Variants in MYH14 observed in about 807,000 individuals in gnomAD.
The protein encoded by MYH14 is myosin heavy chain 14, also known as myosin-14.
MYH14 carries 123 observed loss-of-function variants against 255.5 expected under a neutral mutation model. That is an observed-to-expected ratio of 0.48 (90% CI 0.42 to 0.56). The LOEUF (loss-of-function observed/expected upper bound fraction) is 0.56. MYH14 is among the 20% of genes least tolerant of loss of function. The probability of loss-of-function intolerance (pLI) is 0.00; values close to 1 mark genes in which losing one functional copy is unlikely to be tolerated. For missense variants in MYH14, 2,423 were observed against 2,802.3 expected, an observed-to-expected ratio of 0.86 and a Z score of 3.06; for synonymous variants, 1,095 against 1,161.2, an observed-to-expected ratio of 0.94 and a Z score of 1.16.
Position 50,271,833 on chromosome 19 carries a change from C to A in MYH14, c.3172-16C>A, listed in dbSNP as rs754052834. 6.2e-7 allele frequency: 1 copy of A among 1,612,646 alleles called. No homozygotes were observed. The highest frequency in any genetic ancestry group is 8.5e-7 in the Non-Finnish European group (1 of 1,179,758). ...CAACTCCTCCTGACTGCCCCCCATC[C>A]CACTCCACCCCTCAGGAGCGGAAGC... On this transcript the variant is annotated splice_polypyrimidine_tract_variant and intron_variant, in intron 25 of 42. Transcript: ENST00000642316.
intron 42 of MYH14, 192 bp from the exon 43 acceptor site, chr19:50,309,446 ATC>A (rs2036770533): frequency 1.6e-6 from 1 of 613,338 alleles, no homozygotes. Flanking sequence ...TGTGTCCTTC[ATC>A]TCTCTCTGCC....
intron 20 of MYH14, among the ~76,000 whole-genome samples, chr19:50,260,944 G>A (rs936853745): frequency 3.1e-4 from 47 of 150,754 alleles, no homozygotes; most frequent in African/African-American, 1.0e-3. Context: ...GAGTGGGGCT[G>A]GGATCTCCCC....
At chr19:50,232,994 G>A (rs189447490) in intron 10 of MYH14, among the ~76,000 whole-genome samples, 2 of 152,222 alleles carry the variant, frequency 1.3e-5, no homozygotes, top group East Asian at 3.9e-4. Context: ...TGGGGGCCGT[G>A]TGAGAGACAC....
rs774984564 is a variant in MYH14, at chr19:50,276,850, C to T, written c.3774C>T (p.Arg1258=). The T allele has an allele frequency of 1.2e-6, 2 of 1,612,254 alleles. No homozygotes were observed. The highest frequency in any genetic ancestry group is 1.7e-6 in the Non-Finnish European group (2 of 1,179,764). ...HEAAVQELRQ[R]HGQALGELAE... is the part of the protein sequence containing the mutation. ...CGGCAGTGCAGGAGCTGAGGCAGCG[C>T]CACGGCCAGGCCCTGGGGGAGCTGG... The change falls in exon 29 of 43, where the codon CGC becomes CGT. Residue 1258 remains arginine (R), a synonymous_variant. Transcript: ENST00000642316. The surrounding 1 kb of genome is among the most constrained non-coding windows in gnomAD (Gnocchi z 4.3).
At chr19:50,272,514 G>A (rs1414022017) in intron 26 of MYH14, 46 bp from the exon 27 acceptor site, 1 of 1,548,186 alleles carries the variant, frequency 6.5e-7, no homozygotes, top group South Asian at 1.2e-5. Context: ...GCGGCTGAGT[G>A]TGCAGGCCTG....
In MYH14 at chr19:50,232,013, T is replaced by C; in HGVS notation, c.1057T>C (p.Phe353Leu). 1 of 1,613,778 alleles carries C rather than the reference T, an allele frequency of 6.2e-7. No homozygotes were observed. Among genetic ancestry groups the C allele is most frequent in the Non-Finnish European group, 8.5e-7 (1 of 1,179,900 alleles). ...CTCTCCCGGCCAGGAGCGGGAACTCTTCCAGGAGACGCTGGAGTCGCTGCG... is the reference window on the plus strand; with the variant it reads ...CTCTCCCGGCCAGGAGCGGGAACTCCTCCAGGAGACGCTGGAGTCGCTGCG... ...SSSPGQEREL[F>L]QETLESLRVL... is the part of the protein sequence containing the mutation. The change falls in exon 10 of 43, where the codon TTC (phenylalanine) becomes CTC (leucine). Residue 353 changes from phenylalanine to leucine, a missense_variant. Phe to Leu is a conservative substitution (Grantham distance 22). This residue lies in a region of MYH14 where 672 missense variants were observed against 881.8 expected (regional missense o/e 0.76). Transcript: ENST00000642316.
intron 34 of MYH14, among the ~76,000 whole-genome samples, chr19:50,287,610 G>A (rs769299464): frequency 1.3e-5 from 2 of 151,966 alleles, no homozygotes; most frequent in Non-Finnish European, 2.9e-5. Flanking sequence ...ATGGGGTCTT[G>A]CTGTGTTGCC....
At chr19:50,212,009 A>C (rs1847719459) in intron 2 of MYH14, among the ~76,000 whole-genome samples, 1 of 152,002 alleles carries the variant, frequency 6.6e-6, no homozygotes, top group Admixed American at 6.6e-5. Flanking sequence ...AACAATACAA[A>C]AACCCATTGA....
chr19:50,281,478 G>A (rs2035715636), intron 32 of MYH14, 116 bp from the exon 33 acceptor site: 2 of 1,431,162 alleles, frequency 1.4e-6, no homozygotes, highest in Non-Finnish European at 9.3e-7. Context: ...CCAGCAGAAT[G>A]ACCCCTTTCC....
At chr19:50,211,136 C>A (rs955344141) in intron 2 of MYH14, among the ~76,000 whole-genome samples, 1 of 152,054 alleles carries the variant, frequency 6.6e-6, no homozygotes, top group African/African-American at 2.4e-5. Context: ...GGTTCAAGAC[C>A]AGCCTGGGCA....
At chr19:50,267,312 G>A (rs1236509010) in intron 23 of MYH14, among the ~76,000 whole-genome samples, 7 of 152,030 alleles carry the variant, frequency 4.6e-5, no homozygotes, top group Admixed American at 4.6e-4. Context: ...AGGATCTGGG[G>A]GCAGGGGCCT....
Position 50,231,940 on chromosome 19 carries a change from C to T in MYH14, c.984C>T (p.Leu328=), listed in dbSNP as rs374526360. The part of the protein sequence containing the change: ...GAGEQLKADL[L]LEPCSHYRFL... ...TCATTGTCCCTGCAGCCGACCTCCT[C>T]CTCGAGCCCTGCTCCCACTACCGGT... Residue 328 remains leucine, a synonymous_variant, in exon 10 of 43, where the codon CTC becomes CTT. Coordinates refer to ENST00000642316, the MANE Select transcript of MYH14 (RefSeq NM_001145809.2). 4 of 1,613,872 alleles carry T rather than the reference C, an allele frequency of 2.5e-6. No homozygotes were observed. The highest frequency in any genetic ancestry group is 1.6e-4 in the Middle Eastern group (1 of 6,084).
intron 27 of MYH14, among the ~76,000 whole-genome samples, chr19:50,273,758 C>T (rs2035405581): frequency 6.6e-6 from 1 of 152,100 alleles, no homozygotes; most frequent in African/African-American, 2.4e-5. Context: ...TCTTGTACTT[C>T]AGCCTCCCAA....
intron 3 of MYH14, among the ~76,000 whole-genome samples, chr19:50,219,426 CT>C (rs2032691932): frequency 6.6e-6 from 1 of 151,970 alleles, no homozygotes; most frequent in Non-Finnish European, 1.5e-5. Context: ...AATGGGAACA[CT>C]TTTACACTGC....
chr19:50,289,677 C>G (rs554739986), intron 35 of MYH14, 29 bp downstream of exon 35: 1 of 1,576,142 alleles, frequency 6.3e-7, no homozygotes, highest in South Asian at 1.1e-5. Context: ...CCACAGGGTG[C>G]CAGTCCAGCT....
At chr19:50,273,596 TGG>T (rs373027155) in intron 27 of MYH14, among the ~76,000 whole-genome samples, 2,307 of 91,204 alleles carry the variant, frequency 0.025, 69 homozygotes, top group African/African-American at 0.1. Context: ...TGATGGAACA[TGG>T]GGGGTGTGTG....
At chr19:50,205,298 C>A (rs1433582284) in intron 1 of MYH14, among the ~76,000 whole-genome samples, 1 of 152,166 alleles carries the variant, frequency 6.6e-6, no homozygotes, top group Non-Finnish European at 1.5e-5. Flanking sequence ...GGGAGGAGCC[C>A]CTGGCGCCGC....
intron 10 of MYH14, among the ~76,000 whole-genome samples, chr19:50,239,114 GATTCAAGCA>G (rs1302410142): frequency 6.6e-6 from 1 of 152,176 alleles, no homozygotes; most frequent in African/African-American, 2.4e-5. Flanking sequence ...CCGCCCCCCA[GATTCAAGCA>G]ATTCTCCTGC....
intron 1 of MYH14, among the ~76,000 whole-genome samples, chr19:50,209,286 G>A (rs989357602): frequency 2.6e-5 from 4 of 152,178 alleles, no homozygotes; most frequent in African/African-American, 9.7e-5. Flanking sequence ...ACAGCCCGGG[G>A]CTAGAAAGTA....
Sources: allele counts gnomAD v4.1 joint callset (sites outside exome capture counted in the v4.1 genomes callset), GRCh38; gene constraint gnomAD v4.1.1; regional missense constraint gnomAD v4.1.1; non-coding constraint Gnocchi (gnomAD v3.1); transcripts MANE v1.5; gene names NCBI Gene and HGNC (gene_info 2026-07-23, HGNC 2026-07-21).